CHRNA4: variants seen among roughly 807,000 people sequenced by gnomAD.
CHRNA4 encodes cholinergic receptor nicotinic alpha 4 subunit.
A neutral mutation model predicts 48.9 loss-of-function variants in CHRNA4; 28 were observed. The observed-to-expected ratio is 0.57, with a 90% CI of 0.42 to 0.79. The LOEUF is 0.79. CHRNA4 is among the 30% of genes least tolerant of loss of function. CHRNA4 has a pLI of 0.00. For missense variants in CHRNA4, 859 were observed against 898.4 expected, an observed-to-expected ratio of 0.96 and a Z score of 0.56; for synonymous variants, 425 against 402.3, an observed-to-expected ratio of 1.06 and a Z score of -0.68.
chr20:63,359,913 G>GCCGGGCGTGCGCTGTTTA, intron 1 of CHRNA4: 1 of 519,452 alleles, frequency 1.9e-6, no homozygotes, highest in Non-Finnish European at 3.5e-6. Context: ...GTGTGTGTGT[G>GCCGGGCGTGCGCTGTTTA]TGTGTGTGTG....
intron 4 of CHRNA4, chr20:63,355,516 A>G (rs1467094617): frequency 5.4e-6 from 7 of 1,290,578 alleles, no homozygotes; most frequent in Non-Finnish European, 7.1e-6. Flanking sequence ...GGCACCCTGC[A>G]GTCCACACTA....
Position 63,350,432 on chromosome 20 carries a change from C to A in CHRNA4, c.979G>T (p.Val327Leu). ...VTLSIVITVF[V>L]LNVHHRSPRT... is the part of the protein sequence containing the mutation. ...GGCGAGCGGTGGTGCACGTTGAGCA[C>A]GAAGACCGTGATGACGATGGACAGG... is the stretch of plus-strand genomic sequence containing the variant. Residue 327 changes from valine (V) to leucine (L), a missense_variant, in exon 5 of 6, where the codon GTG becomes TTG. Coordinates refer to ENST00000370263, the MANE Select transcript of CHRNA4 (RefSeq NM_000744.7). The A allele has an allele frequency of 3.7e-6, 6 of 1,613,796 alleles. No homozygotes were observed.
intron 5 of CHRNA4, among the ~76,000 whole-genome samples, chr20:63,347,522 G>A (rs45458296): frequency 2.6e-5 from 4 of 152,158 alleles, no homozygotes; most frequent in Non-Finnish European, 5.9e-5. Context: ...GATGCAGGGC[G>A]GACCTCCCCC....
intron 4 of CHRNA4, 102 bp from the exon 5 acceptor site, chr20:63,351,129 A>T (rs929544156): frequency 9.2e-6 from 11 of 1,190,320 alleles, no homozygotes; most frequent in Non-Finnish European, 1.2e-5. Flanking sequence ...ACCCACACCC[A>T]CATCCACGCC....
rs1346266287 is a variant in CHRNA4 at position 63,344,113 on chromosome 20, C to T, written c.*2625G>A. On this transcript the variant is annotated 3_prime_UTR_variant, in exon 6 of 6. Transcript: ENST00000370263. This position sits in a 1 kb window ranked among gnomAD's most constrained non-coding sequence, Gnocchi z 4.5. ...AGTTTATTCAGACAGAAGAACACTGCTCACAATTAAAAACGAAGGAACAGA... is the reference window on the plus strand; with the variant it reads ...AGTTTATTCAGACAGAAGAACACTGTTCACAATTAAAAACGAAGGAACAGA... The T allele has an allele frequency of 8.8e-6, 4 of 454,026 alleles. No homozygotes were observed. The Admixed American group carries it at 9.4e-5, about 11-fold the overall frequency. 28.1% of individuals were successfully genotyped at this position (454,026 alleles called of 1,614,324 possible).
chr20:63,356,895 A>C (rs1252453459), intron 2 of CHRNA4, among the ~76,000 whole-genome samples: 2 of 152,038 alleles, frequency 1.3e-5, no homozygotes, highest in Admixed American at 6.5e-5. Flanking sequence ...GGGACCTGTC[A>C]CTCAAGGTCA....
intron 5 of CHRNA4, 94 bp from the exon 6 acceptor site, chr20:63,346,957 A>C: frequency 4.5e-6 from 7 of 1,562,826 alleles, no homozygotes; most frequent in East Asian, 2.3e-5. Flanking sequence ...CAGCTTCTCC[A>C]CCTCCCACCT....
intron 1 of CHRNA4, chr20:63,360,272 A>G (rs2068795325): frequency 6.0e-6 from 1 of 167,558 alleles, no homozygotes; most frequent in Non-Finnish European, 1.3e-5. Context: ...CCCGCTTCCT[A>G]CGGAACCTCC....
rs201365294 is a variant in CHRNA4, at chr20:63,349,858, G to C, written c.1553C>G (p.Ala518Gly). 4 of 1,595,876 alleles carry C rather than the reference G, an allele frequency of 2.5e-6. No homozygotes were observed. The Admixed American group carries it at 5.1e-5, about 20-fold the overall frequency. Residue 518 changes from alanine (A) to glycine (G), a missense_variant, in exon 5 of 6, where the codon GCT becomes GGT. Ala to Gly is a moderately conservative substitution (Grantham distance 60, BLOSUM62 0). Coordinates refer to ENST00000370263, the MANE Select transcript of CHRNA4 (RefSeq NM_000744.7). ...GGGCTGGTCTGGGGGTGGGAGCTCA[G>C]CCGAGTGGGTGTTGCGAGAGGCCAG... ...GALASRNTHSAELPPPDQPSP... is the reference protein window; with the variant it reads ...GALASRNTHSGELPPPDQPSP...
rs376422342 is a variant in CHRNA4, at chr20:63,344,420, C to T, written c.*2318G>A. 2.1e-4 allele frequency: 97 copies of T among 453,704 alleles called. 1 individual carries two copies. Among genetic ancestry groups the T allele is most frequent in the African/African-American group, 1.5e-3 (74 of 49,942 alleles). 28.1% of individuals were successfully genotyped at this position (453,704 alleles called of 1,614,324 possible). On this transcript the variant is annotated 3_prime_UTR_variant, in exon 6 of 6. Coordinates refer to ENST00000370263, the MANE Select transcript of CHRNA4 (RefSeq NM_000744.7). The surrounding 1 kb of genome is among the most constrained non-coding windows in gnomAD (Gnocchi z 4.5). Reference sequence around the variant, plus strand: ...ATAAAAACAGCACTGGACGCAAATACGCCAACATTGTTGTCAAGGTTAATT... The same window carrying T: ...ATAAAAACAGCACTGGACGCAAATATGCCAACATTGTTGTCAAGGTTAATT...
intron 2 of CHRNA4, among the ~76,000 whole-genome samples, chr20:63,359,230 C>T (rs1237841993): frequency 6.6e-6 from 1 of 152,180 alleles, no homozygotes. Flanking sequence ...CAGCGTGCCC[C>T]GCCACCCCCA....
chr20:63,356,532 G>T, intron 2 of CHRNA4, 117 bp from the exon 3 acceptor site: 1 of 1,112,928 alleles, frequency 9.0e-7, no homozygotes, highest in Non-Finnish European at 1.3e-6. Flanking sequence ...TATGGTGGAC[G>T]GGCGACCTGT....
chr20:63,356,958 C>G (rs1193953651), intron 2 of CHRNA4, among the ~76,000 whole-genome samples: 2 of 151,640 alleles, frequency 1.3e-5, no homozygotes, highest in African/African-American at 4.9e-5. Flanking sequence ...CCCCACCCAC[C>G]TCCTTCCACA....
chr20:63,348,298 C>T (rs45507998), intron 5 of CHRNA4, among the ~76,000 whole-genome samples: 1,746 of 152,342 alleles, frequency 0.011, 14 homozygotes, highest in Non-Finnish European at 0.018. Context: ...TGGCACAGCC[C>T]GGGCACAGCT....
intron 4 of CHRNA4, chr20:63,354,661 G>A (rs1024541638): frequency 3.1e-6 from 3 of 983,422 alleles, no homozygotes; most frequent in Non-Finnish European, 2.4e-6. Context: ...GTCCTCAGAG[G>A]CTTCGTTCCT....
chr20:63,355,339 C>T (rs2068700617), intron 4 of CHRNA4: 1 of 401,558 alleles, frequency 2.5e-6, no homozygotes, highest in Admixed American at 3.6e-5. Flanking sequence ...CATGACCAGA[C>T]TTCATCTTGG....
chr20:63,358,840 A>G (rs2068757428), intron 2 of CHRNA4, among the ~76,000 whole-genome samples: 1 of 151,912 alleles, frequency 6.6e-6, no homozygotes, highest in Non-Finnish European at 1.5e-5. Flanking sequence ...CGAGACCCCC[A>G]GACAGTCTGG....
intron 4 of CHRNA4, among the ~76,000 whole-genome samples, chr20:63,352,539 A>G (rs2145392468): frequency 6.6e-6 from 1 of 152,272 alleles, no homozygotes; most frequent in African/African-American, 2.4e-5. Context: ...GCGTCCCTCC[A>G]GCGGGGGGCG....
At chr20:63,352,046 G>A (rs373769307) in intron 4 of CHRNA4, among the ~76,000 whole-genome samples, 33 of 152,340 alleles carry the variant, frequency 2.2e-4, no homozygotes, top group African/African-American at 7.7e-4. Flanking sequence ...ATGGGGCCAG[G>A]CTCAGCTCTG....
Sources: gnomAD v4.1 joint callset for allele counts (sites outside exome capture counted in the v4.1 genomes callset) on GRCh38, gnomAD v4.1.1 for gene constraint, Gnocchi (gnomAD v3.1) non-coding constraint, MANE v1.5 for transcripts, NCBI Gene and HGNC (gene_info 2026-07-23, HGNC 2026-07-21) for gene names.